The following TNIK variants were observed in gnomAD, a reference collection of about 807,000 sequenced individuals.
TNIK encodes the protein TRAF2 and NCK-interacting protein kinase.
Under a neutral mutation model 191.3 loss-of-function variants are expected in TNIK, and 49 were observed. That is an observed-to-expected ratio of 0.26 (90% CI 0.20 to 0.32). TNIK has a LOEUF of 0.32. Among genes scored for constraint, TNIK ranks in the 10% least tolerant of loss-of-function variants. The pLI is 1.00. For synonymous variants in TNIK, 594 were observed against 600.9 expected, an observed-to-expected ratio of 0.99 and a Z score of 0.17; for missense variants, 1,155 against 1,702.3, an observed-to-expected ratio of 0.68 and a Z score of 5.66.
intron 26 of TNIK, among the ~76,000 whole-genome samples, chr3:171,083,718 A>C (rs887468397): frequency 6.6e-6 from 1 of 150,682 alleles, no homozygotes; most frequent in African/African-American, 2.5e-5. Context: ...TCAGCTTGAA[A>C]TAAAGGTTTA....
intron 6 of TNIK, 53 bp downstream of exon 6, chr3:171,190,644 A>T: frequency 7.2e-7 from 1 of 1,390,608 alleles, no homozygotes; most frequent in Non-Finnish European, 1.0e-6. Context: ...AGAGCTGTTA[A>T]TATAATCTCA....
chr3:171,151,260 T>A (rs898991252), intron 12 of TNIK, among the ~76,000 whole-genome samples: 2 of 152,210 alleles, frequency 1.3e-5, no homozygotes, highest in African/African-American at 4.8e-5. Context: ...ATCTAAGAAC[T>A]ATTAGACATT....
At chr3:171,279,098 G>C (rs1750128328) in intron 2 of TNIK, among the ~76,000 whole-genome samples, 1 of 151,340 alleles carries the variant, frequency 6.6e-6, no homozygotes, top group East Asian at 1.9e-4. Flanking sequence ...TTTATATGCA[G>C]ACATTATTGG....
At chr3:171,391,713 A>G (rs897414026) in intron 1 of TNIK, among the ~76,000 whole-genome samples, 4 of 152,310 alleles carry the variant, frequency 2.6e-5, no homozygotes, top group South Asian at 2.1e-4. Flanking sequence ...ACTTCCATGC[A>G]TATGTATGTA....
intron 2 of TNIK, among the ~76,000 whole-genome samples, chr3:171,334,863 C>A (rs1756787037): frequency 7.7e-6 from 1 of 129,922 alleles, no homozygotes; most frequent in Non-Finnish European, 1.6e-5. Flanking sequence ...TATAGTTGAT[C>A]TTTATAAGTT....
rs1170947461 is a variant in TNIK at position 171,131,772 on chromosome 3, T to A, written c.1609-2894A>T. The stretch of plus-strand genomic sequence containing the variant: ...TACACTGCAGAATCACCTTAAGAAC[T>A]GGAGCAAAGGATCAAATCAAACATT... On this transcript the variant is annotated intron_variant, in intron 15 of 32. Transcript: ENST00000436636. Among the ~76,000 whole-genome samples the A allele has an allele frequency of 4.6e-5, 7 of 152,342 alleles. No individual in the cohort carries two copies. In the East Asian group the frequency reaches 1.2e-3, roughly 25 times the overall value.
chr3:171,421,084 C>T (rs2108630096), intron 1 of TNIK, among the ~76,000 whole-genome samples: 1 of 152,320 alleles, frequency 6.6e-6, no homozygotes, highest in East Asian at 1.9e-4. Flanking sequence ...TTTTGTACTG[C>T]TTCCATCACT....
At chr3:171,255,964 AC>A (rs1339452953) in intron 2 of TNIK, among the ~76,000 whole-genome samples, 1 of 152,168 alleles carries the variant, frequency 6.6e-6, no homozygotes, top group African/African-American at 2.4e-5. Flanking sequence ...TCCAGGAGGA[AC>A]TCAAAGGAAG....
chr3:171,143,684 C>A (rs1731158351), intron 12 of TNIK, among the ~76,000 whole-genome samples: 1 of 152,152 alleles, frequency 6.6e-6, no homozygotes, highest in Non-Finnish European at 1.5e-5. Context: ...TGGGCAAGAT[C>A]TCTGTTCCAC....
chr3:171,356,184 G>A (rs576390924), intron 2 of TNIK, among the ~76,000 whole-genome samples: 162 of 150,416 alleles, frequency 1.1e-3, no homozygotes, highest in Non-Finnish European at 1.8e-3. Flanking sequence ...TTTTCTGGGG[G>A]GAAAAAAAAA....
intron 2 of TNIK, among the ~76,000 whole-genome samples, chr3:171,339,073 A>G (rs1329043587): frequency 6.6e-6 from 1 of 152,184 alleles, no homozygotes; most frequent in Non-Finnish European, 1.5e-5. Context: ...TTAACAACCT[A>G]ATATAATACA....
At chr3:171,082,459 C>T in intron 26 of TNIK, 65 bp from the exon 27 acceptor site, 1 of 1,551,512 alleles carries the variant, frequency 6.4e-7, no homozygotes, top group Non-Finnish European at 8.7e-7. Flanking sequence ...CATCGAGAGT[C>T]CCTATAAAAT....
chr3:171,372,599 T>C (rs1015624859), intron 1 of TNIK, among the ~76,000 whole-genome samples: 10 of 152,196 alleles, frequency 6.6e-5, no homozygotes, highest in African/African-American at 1.7e-4. Context: ...CATCAGGACT[T>C]TGCATCCCAT....
chr3:171,183,726 G>T (rs187630335), intron 7 of TNIK, among the ~76,000 whole-genome samples: 10 of 152,112 alleles, frequency 6.6e-5, no homozygotes, highest in South Asian at 2.1e-4. Flanking sequence ...ATCAAGACCA[G>T]CCTGGCCAAC....
intron 3 of TNIK, among the ~76,000 whole-genome samples, chr3:171,220,564 G>C (rs1288629315): frequency 6.6e-6 from 1 of 152,046 alleles, no homozygotes; most frequent in African/African-American, 2.4e-5. Context: ...CAGCATAAAG[G>C]AAAGGACGGA....
chr3:171,279,989 C>T (rs1750238457), intron 2 of TNIK, among the ~76,000 whole-genome samples: 1 of 152,184 alleles, frequency 6.6e-6, no homozygotes, highest in Non-Finnish European at 1.5e-5. Flanking sequence ...CACTCCTGCC[C>T]TCAGGAAATG....
At chr3:171,248,022 G>A (rs893264671) in intron 2 of TNIK, among the ~76,000 whole-genome samples, 1 of 152,200 alleles carries the variant, frequency 6.6e-6, no homozygotes, top group Non-Finnish European at 1.5e-5. Flanking sequence ...CTGGGCAAGG[G>A]AGGAGACAAC....
At chr3:171,259,646 A>T (rs1287609622) in intron 2 of TNIK, among the ~76,000 whole-genome samples, 1 of 152,172 alleles carries the variant, frequency 6.6e-6, no homozygotes, top group African/African-American at 2.4e-5. Context: ...GGCTAATCTC[A>T]TGGCCAACGG....
chr3:171,281,747 G>A (rs982925155), intron 2 of TNIK, among the ~76,000 whole-genome samples: 8 of 152,188 alleles, frequency 5.3e-5, no homozygotes, highest in African/African-American at 9.7e-5. Flanking sequence ...GAAGGTCAAC[G>A]AGGATAGTGT....
Sources: allele counts gnomAD v4.1 joint callset (sites outside exome capture counted in the v4.1 genomes callset), GRCh38; gene constraint gnomAD v4.1.1; transcripts MANE v1.5; gene names NCBI Gene and HGNC (gene_info 2026-07-23, HGNC 2026-07-21).